SLC52A2: variants seen among roughly 807,000 people sequenced by gnomAD.
The protein encoded by SLC52A2 is solute carrier family 52, riboflavin transporter, member 2.
A neutral mutation model predicts 24.8 loss-of-function variants in SLC52A2; 16 were observed. The ratio of observed to expected loss-of-function variants is 0.64; its 90% CI spans 0.44 to 0.98. The LOEUF (loss-of-function observed/expected upper bound fraction) is 0.98. Among genes scored for constraint, SLC52A2 ranks in the 50% least tolerant of loss-of-function variants. SLC52A2 has a pLI of 0.00. For synonymous variants in SLC52A2, 335 were observed against 276.3 expected (o/e 1.21, Z -2.11); for missense variants, 612 against 575.9 (o/e 1.06, Z -0.64).
In SLC52A2 at chr8:144,360,991, C is replaced by A. The variant is rs531695510; in HGVS notation, c.1314C>A (p.Asp438Glu). ...ATCACGTGTTCCACAGCAGAAAGGA[C>A]TGTGCAGACCCCTGTGACTCCTGAG... ...SIYHVFHSRK[D>E]CADPCDS is the part of the protein sequence containing the mutation. The change falls in exon 5 of 5, where the codon GAC (aspartate) becomes GAA (glutamate). Residue 438 changes from aspartate (D) to glutamate (E), a missense_variant. Asp to Glu is a conservative substitution (Grantham distance 45). Transcript: ENST00000643944. The A allele has an allele frequency of 1.9e-6, 3 of 1,613,352 alleles. No individual in the cohort carries two copies. In the South Asian group the frequency reaches 3.3e-5, roughly 18 times the overall value.
In SLC52A2 at chr8:144,361,100, G is replaced by A; in HGVS notation, c.*85G>A. The A allele has an allele frequency of 7.3e-7, 1 of 1,367,766 alleles. No individual in the cohort carries two copies. The highest frequency in any genetic ancestry group is 1.0e-6 in the Non-Finnish European group (1 of 975,590). The allele number at this position is 1,367,766 out of a possible 1,614,324, so 84.7% of individuals were successfully genotyped here. On this transcript the variant is annotated 3_prime_UTR_variant, in exon 5 of 5. Coordinates refer to ENST00000643944, the MANE Select transcript of SLC52A2 (RefSeq NM_001363118.2). Reference sequence around the variant, plus strand: ...TGCCTGAGTGCCTGCAGCCCAGGAGGCCCGCACACCGGTACACTCGTGGAC... The same window carrying A: ...TGCCTGAGTGCCTGCAGCCCAGGAGACCCGCACACCGGTACACTCGTGGAC...
chr8:144,359,642 C>G lies in SLC52A2; in HGVS notation c.150C>G (p.Tyr50Ter). 6.2e-7 allele frequency: 1 copy of G among 1,613,446 alleles called. No homozygotes were observed. Among genetic ancestry groups the G allele is most frequent in the South Asian group, 1.1e-5 (1 of 91,056 alleles). The change falls in exon 3 of 5, where the codon TAC (tyrosine) becomes TAG (stop). Residue 50 changes from tyrosine to a stop codon, truncating the protein, a stop_gained. Transcript: ENST00000643944. LOFTEE classifies it high-confidence loss of function. ...CTGCAGGTTGGAGCCTCCCCTCTTACGTCTCTGTGCTTGTGGCTCTGGGGA... is the reference window on the plus strand; with the variant it reads ...CTGCAGGTTGGAGCCTCCCCTCTTAGGTCTCTGTGCTTGTGGCTCTGGGGA... ...ELPEGWSLPS[Y>*]VSVLVALGNL...
rs1422665118 is a variant in SLC52A2, at chr8:144,359,204, C to T, written c.-90C>T. 8.5e-6 allele frequency: 13 copies of T among 1,520,842 alleles called. No individual in the cohort carries two copies. Among genetic ancestry groups the T allele is most frequent in the Non-Finnish European group, 1.1e-5 (12 of 1,137,116 alleles). 94.2% of individuals were successfully genotyped at this position (1,520,842 alleles called of 1,614,324 possible). A position where few individuals can be genotyped will look rare whatever the true frequency, so the allele number is the denominator to read the frequency against. ...TCAAGCTAGAAGAAGTCTTCACTTC[C>T]CAGGAGAGCCAAAGCGTGTCTGGCC... On this transcript the variant is annotated 5_prime_UTR_variant, in exon 2 of 5. Coordinates refer to ENST00000643944, the MANE Select transcript of SLC52A2 (RefSeq NM_001363118.2).
In SLC52A2 at chr8:144,359,824, C is replaced by A. The variant is rs781978511; in HGVS notation, c.332C>A (p.Ser111Tyr). 1.2e-6 allele frequency: 2 copies of A among 1,613,684 alleles called. No homozygotes were observed. The highest frequency in any genetic ancestry group is 2.2e-5 in the South Asian group (2 of 91,092). Reference protein sequence around the residue: ...HVAPVAGQLHSVAFLALAFVL... With the variant: ...HVAPVAGQLHYVAFLALAFVL... ...GCCCCAGTGGCAGGACAGTTGCATT[C>A]TGTGGCCTTCTTAGCACTGGCCTTT... is the stretch of plus-strand genomic sequence containing the variant. Residue 111 changes from serine (S) to tyrosine (Y), a missense_variant, in exon 3 of 5, where the codon TCT (serine) becomes TAT (tyrosine). Transcript: ENST00000643944.
chr8:144,360,368 C>T lies in SLC52A2; in HGVS notation c.876C>T (p.Gly292=), dbSNP rs782144205. 1.1e-5 allele frequency: 18 copies of T among 1,608,168 alleles called. No individual in the cohort carries two copies. The highest frequency in any genetic ancestry group is 8.8e-5 in the South Asian group (8 of 91,090). The part of the protein sequence containing the change: ...LLAATNALTN[G]VLPAVQSFSC... ...CCGCCACCAACGCGCTGACCAATGG[C>T]GTGCTGCCTGCCGTGCAGAGCTTTT... Residue 292 remains glycine, a synonymous_variant, in exon 3 of 5, where the codon GGC becomes GGT. Coordinates refer to ENST00000643944, the MANE Select transcript of SLC52A2 (RefSeq NM_001363118.2).
Position 144,359,754 on chromosome 8 carries a change from G to A in SLC52A2, c.262G>A (p.Gly88Ser). ...CCCCATCCGGGTGGTGCAGGTGCTG[G>A]GCATGGTGGGCACAGCCCTGCTGGC... ...QVPIRVVQVL[G>S]MVGTALLASL... is the part of the protein sequence containing the mutation. The change falls in exon 3 of 5, where the codon GGC becomes AGC. Residue 88 changes from glycine (G) to serine (S), a missense_variant. Gly to Ser is a moderately conservative substitution (Grantham distance 56). Transcript: ENST00000643944. 6.2e-7 allele frequency: 1 copy of A among 1,613,626 alleles called. No homozygotes were observed. Among genetic ancestry groups the A allele is most frequent in the Non-Finnish European group, 8.5e-7 (1 of 1,180,020 alleles).
chr8:144,360,892 G>A lies in SLC52A2; in HGVS notation c.1215G>A (p.Leu405=), dbSNP rs781831398. The change falls in exon 5 of 5, where the codon TTG becomes TTA. Residue 405 remains leucine, a synonymous_variant. Transcript: ENST00000643944. ...SLLHGGGRPA[L]LAAGVAIQVG... ...TGCATGGCGGGGGCCGGCCGGCATT[G>A]CTGGCAGCCGGCGTGGCCATCCAGG... is the stretch of plus-strand genomic sequence containing the variant. 6.2e-7 allele frequency: 1 copy of A among 1,613,036 alleles called. No individual in the cohort carries two copies. The highest frequency in any genetic ancestry group is 1.6e-4 in the Middle Eastern group (1 of 6,062).
chr8:144,359,156 T>G, intron 1 of SLC52A2, 28 bp from the exon 2 acceptor site: 1 of 1,353,656 alleles, frequency 7.4e-7, no homozygotes, highest in Non-Finnish European at 9.9e-7. Flanking sequence ...CGGCTCTGCA[T>G]CCTATCTGTT....
At position 144,360,023 on chromosome 8, in the gene SLC52A2, C is replaced by T; in HGVS notation, c.531C>T (p.Ile177=). 6.2e-7 allele frequency: 1 copy of T among 1,612,944 alleles called. No homozygotes were observed. Among genetic ancestry groups the T allele is most frequent in the South Asian group, 1.1e-5 (1 of 91,084 alleles). ...VGRLECPPAP[I]NGTPGPPLDF... Reference sequence around the variant, plus strand: ...GCCTCGAGTGCCCGCCAGCCCCCATCAACGGCACCCCTGGCCCCCCGCTCG... The same window carrying T: ...GCCTCGAGTGCCCGCCAGCCCCCATTAACGGCACCCCTGGCCCCCCGCTCG... The change falls in exon 3 of 5, where the codon ATC becomes ATT. Residue 177 remains isoleucine (I), a synonymous_variant. Transcript: ENST00000643944.
chr8:144,359,766 A>G lies in SLC52A2; in HGVS notation c.274A>G (p.Thr92Ala). The stretch of plus-strand genomic sequence containing the variant: ...GGTGCAGGTGCTGGGCATGGTGGGC[A>G]CAGCCCTGCTGGCCTCTCTGTGGCA... The part of the protein sequence containing the change: ...RVVQVLGMVG[T>A]ALLASLWHHV... Residue 92 changes from threonine to alanine, a missense_variant, in exon 3 of 5, where the codon ACA (threonine) becomes GCA (alanine). Physicochemically the swap from Thr to Ala is moderately conservative, Grantham distance 58 (BLOSUM62 0). Coordinates refer to ENST00000643944, the MANE Select transcript of SLC52A2 (RefSeq NM_001363118.2). The G allele has an allele frequency of 6.2e-7, 1 of 1,613,600 alleles. No individual in the cohort carries two copies. The highest frequency in any genetic ancestry group is 2.2e-5 in the East Asian group (1 of 44,890).
rs782266955 is a variant in SLC52A2 at position 144,359,911 on chromosome 8, C to A, written c.419C>A (p.Pro140Gln). The change falls in exon 3 of 5, where the codon CCA becomes CAA. Residue 140 changes from proline (P) to glutamine (Q), a missense_variant. Coordinates refer to ENST00000643944, the MANE Select transcript of SLC52A2 (RefSeq NM_001363118.2). ...TTCCTGCCCTTCTTGAGCCACCTGCCACCTCGCTTCTTACGGTCATTCTTC... is the reference window on the plus strand; with the variant it reads ...TTCCTGCCCTTCTTGAGCCACCTGCAACCTCGCTTCTTACGGTCATTCTTC... ...VTFLPFLSHL[P>Q]PRFLRSFFLG... The A allele has an allele frequency of 6.2e-7, 1 of 1,613,728 alleles. No homozygotes were observed. Among genetic ancestry groups the A allele is most frequent in the Non-Finnish European group, 8.5e-7 (1 of 1,180,020 alleles).
At position 144,360,720 on chromosome 8, in the gene SLC52A2, A is replaced by G. The variant is rs781844159; in HGVS notation, c.1125+7A>G. ...GGCGGGGGTGGTCCTCGTGGTGAGC[A>G]CAGGGGGACATGAAGTGGGGTGGGG... On this transcript the variant is annotated splice_region_variant and intron_variant, in intron 4 of 4. Transcript: ENST00000643944. 1 of 1,598,400 alleles carries G rather than the reference A, an allele frequency of 6.3e-7. No homozygotes were observed. The highest frequency in any genetic ancestry group is 8.5e-7 in the Non-Finnish European group (1 of 1,172,004).
rs115940535 is a variant in SLC52A2, at chr8:144,358,634, C to A, written c.-542C>A. Reference sequence around the variant, plus strand: ...GGGTGAGTCGGGTCGTGGCTGCTGCCGGGTCCTGCGCGCTCCGGACTGAGG... The same window carrying A: ...GGGTGAGTCGGGTCGTGGCTGCTGCAGGGTCCTGCGCGCTCCGGACTGAGG... On this transcript the variant is annotated 5_prime_UTR_variant, in exon 1 of 5. Coordinates refer to ENST00000643944, the MANE Select transcript of SLC52A2 (RefSeq NM_001363118.2). The A allele has an allele frequency of 0.011, 7,252 of 642,644 alleles. 435 individuals carry two copies. The African/African-American group carries it at 0.12, about 11-fold the overall frequency. 39.8% of individuals were successfully genotyped at this position (642,644 alleles called of 1,614,324 possible).
At chr8:144,359,602 G>T in intron 2 of SLC52A2, 21 bp from the exon 3 acceptor site, 1 of 1,607,752 alleles carries the variant, frequency 6.2e-7, no homozygotes, top group African/African-American at 1.3e-5. Context: ...ACCCTGACAT[G>T]GCCTCCTCCC....
chr8:144,358,601 A>C (rs1248361042), upstream of SLC52A2: 8 of 986,814 alleles, frequency 8.1e-6, no homozygotes, highest in African/African-American at 1.2e-4. Flanking sequence ...CGGGCCCGGA[A>C]CCGCCACGGG....
Position 144,359,403 on chromosome 8 carries a change from T to C in SLC52A2, c.110T>C (p.Val37Ala). 3 of 1,613,928 alleles carry C rather than the reference T, an allele frequency of 1.9e-6. No homozygotes were observed. The highest frequency in any genetic ancestry group is 2.5e-6 in the Non-Finnish European group (3 of 1,179,926). The change falls in exon 2 of 5, where the codon GTG (valine) becomes GCG (alanine). Residue 37 changes from valine to alanine, a missense_variant. Val to Ala is a moderately conservative substitution (Grantham distance 64, BLOSUM62 0). Transcript: ENST00000643944. ...GGGATCTGGGTGGAGCTACCTGTGG[T>C]GGTCAAAGAGCTTCCAGAGGGTGAG... Reference protein sequence around the residue: ...VNGIWVELPVVVKELPEGWSL... With the variant: ...VNGIWVELPVAVKELPEGWSL...
Position 144,358,998 on chromosome 8 carries a change from C to T in SLC52A2, c.-178C>T. On this transcript the variant is annotated 5_prime_UTR_variant, in exon 1 of 5. Transcript: ENST00000643944. ...GGAGGGCTCCACTCGCTCCTTCGGC[C>T]TCCTCCCCTGGGGCCGCAGCGACTC... 5.2e-6 allele frequency: 2 copies of T among 381,414 alleles called. No homozygotes were observed. Among genetic ancestry groups the T allele is most frequent in the Non-Finnish European group, 9.5e-6 (2 of 209,954 alleles). 23.6% of individuals were successfully genotyped at this position (381,414 alleles called of 1,614,324 possible).
chr8:144,360,754 C>G (rs782208913), intron 4 of SLC52A2, 41 bp downstream of exon 4: 2 of 1,605,638 alleles, frequency 1.2e-6, no homozygotes, highest in African/African-American at 2.7e-5. Flanking sequence ...GGGGGCGTTG[C>G]CCTGGAGCAG....
In SLC52A2 at chr8:144,359,516, C is replaced by T; in HGVS notation, c.130+93C>T. 4 of 1,612,092 alleles carry T rather than the reference C, an allele frequency of 2.5e-6. No individual in the cohort carries two copies. The South Asian group carries it at 4.4e-5, about 18-fold the overall frequency. On this transcript the variant is annotated intron_variant, in intron 2 of 4. Coordinates refer to ENST00000643944, the MANE Select transcript of SLC52A2 (RefSeq NM_001363118.2). ...CTACCTGTGGTGGTCAGAGAGCTTCCAGAGGGTGAGTGGGAGGAGGTGCAG... is the reference window on the plus strand; with the variant it reads ...CTACCTGTGGTGGTCAGAGAGCTTCTAGAGGGTGAGTGGGAGGAGGTGCAG...
Sources: gnomAD v4.1 joint callset for allele counts on GRCh38, gnomAD v4.1.1 for gene constraint, MANE v1.5 for transcripts, NCBI Gene and HGNC (gene_info 2026-07-23, HGNC 2026-07-21) for gene names.